Variants in ESRRG observed in about 807,000 individuals in gnomAD.
The protein encoded by ESRRG is estrogen-related receptor gamma.
Under a neutral mutation model 44.0 loss-of-function variants are expected in ESRRG, and 13 were observed. That is an observed-to-expected ratio of 0.30 (90% CI 0.19 to 0.47). ESRRG has a LOEUF of 0.47. Among genes scored for constraint, ESRRG ranks in the 20% least tolerant of loss-of-function variants. The probability of loss-of-function intolerance (pLI) is 1.00; values close to 1 mark genes in which losing one functional copy is unlikely to be tolerated. For synonymous variants in ESRRG, 215 were observed against 214.6 expected, an observed-to-expected ratio of 1.00 and a Z score of -0.02; for missense variants, 395 against 580.6, an observed-to-expected ratio of 0.68 and a Z score of 3.29.
chr1:217,084,575 T>C lies in ESRRG; in HGVS notation c.-106+4932A>G, dbSNP rs2091965443. 2.6e-5 allele frequency among the ~76,000 whole-genome samples: 4 copies of C among 152,192 alleles called. No homozygotes were observed. In the South Asian group the frequency reaches 8.3e-4, roughly 32 times the overall value. On this transcript the variant is annotated intron_variant, in intron 1 of 7. Coordinates refer to the ESRRG transcript ENST00000359162. ...TAGGAATGCAAAAGTTTTGCTATAC[T>C]TCACATAATGTTGGCAACCTGAATT...
At chr1:216,876,198 T>A in intron 2 of ESRRG, among the ~76,000 whole-genome samples, 1 of 107,688 alleles carries the variant, frequency 9.3e-6, no homozygotes, top group South Asian at 2.3e-4. Flanking sequence ...TATTTTCTGA[T>A]AAGATTTTTT....
chr1:217,030,078 T>C (rs1258389016), intron 1 of ESRRG, among the ~76,000 whole-genome samples: 1 of 152,148 alleles, frequency 6.6e-6, no homozygotes, highest in East Asian at 1.9e-4. Flanking sequence ...ATGCTGACCA[T>C]GTCAAAGAAA....
At chr1:216,804,784 T>G (rs2094735337) in intron 2 of ESRRG, among the ~76,000 whole-genome samples, 1 of 152,014 alleles carries the variant, frequency 6.6e-6, no homozygotes, top group Non-Finnish European at 1.5e-5. Context: ...ATACCCCCCT[T>G]CCCCAACCGA....
chr1:216,757,005 CTTCTAAACTCA>C, intron 2 of ESRRG, among the ~76,000 whole-genome samples: 2 of 152,070 alleles, frequency 1.3e-5, no homozygotes, highest in Middle Eastern at 3.4e-3. Flanking sequence ...TATACAAGTC[CTTCTAAACTCA>C]TTCCCTCTCC....
intron 2 of ESRRG, among the ~76,000 whole-genome samples, chr1:216,870,204 A>G (rs1331570145): frequency 6.6e-6 from 1 of 150,958 alleles, no homozygotes; most frequent in Non-Finnish European, 1.5e-5. Context: ...AGATGTTAAA[A>G]TTTGGCAAAC....
chr1:216,843,533 T>C (rs11117695), intron 2 of ESRRG, among the ~76,000 whole-genome samples: 5,102 of 152,182 alleles, frequency 0.034, 299 homozygotes, highest in African/African-American at 0.11. Flanking sequence ...AAAAAGAGCT[T>C]CTGGTTCAAC....
chr1:216,836,732 C>A (rs1293460722), intron 2 of ESRRG, among the ~76,000 whole-genome samples: 2 of 152,302 alleles, frequency 1.3e-5, no homozygotes, highest in East Asian at 3.9e-4. Context: ...GCAGAGTGAG[C>A]CCAGCATGCA....
rs11572736 is a variant in ESRRG, at chr1:216,609,001, C to T, written c.590-40903G>A. Among the ~76,000 whole-genome samples the T allele has an allele frequency of 8.3e-3, 1,265 of 152,310 alleles. 18 individuals carry two copies. Among genetic ancestry groups the T allele is most frequent in the African/African-American group, 0.026 (1,075 of 41,560 alleles). ...TACCTATGAGCATCTTTCTTGGCTA[C>T]AGGCTTTGAATTTTCTTTCACCTTC... On this transcript the variant is annotated intron_variant, in intron 3 of 6. Transcript: ENST00000408911.
At chr1:216,976,605 G>A (rs1392565916) in intron 1 of ESRRG, among the ~76,000 whole-genome samples, 1 of 152,062 alleles carries the variant, frequency 6.6e-6, no homozygotes, top group African/African-American at 2.4e-5. Context: ...TTAATTAGGG[G>A]CTCATTGAAC....
chr1:216,697,111 G>A lies in ESRRG; in HGVS notation c.57-19620C>T, dbSNP rs562332586. On this transcript the variant is annotated intron_variant, in intron 1 of 6. Coordinates refer to ENST00000408911, the MANE Select transcript of ESRRG (RefSeq NM_001438.4). ...CTCCCAACTAGCTGGGACTACAGGC[G>A]TGCACCACCATGCCTGGCTAATTTT... Among the ~76,000 whole-genome samples the A allele has an allele frequency of 2.0e-4, 30 of 151,954 alleles. No homozygotes were observed. The East Asian group carries it at 2.7e-3, about 14-fold the overall frequency.
intron 1 of ESRRG, among the ~76,000 whole-genome samples, chr1:217,074,636 G>C (rs538687261): frequency 6.6e-6 from 1 of 152,024 alleles, no homozygotes; most frequent in Non-Finnish European, 1.5e-5. Flanking sequence ...CTAGGAACTC[G>C]AGAACAACCT....
intron 1 of ESRRG, among the ~76,000 whole-genome samples, chr1:217,121,633 A>G (rs1211714640): frequency 6.6e-6 from 1 of 152,164 alleles, no homozygotes; most frequent in East Asian, 1.9e-4. Flanking sequence ...GTCAAAGCAC[A>G]CCACCCTGTT....
chr1:217,103,902 G>A (rs1447327595), intron 1 of ESRRG, among the ~76,000 whole-genome samples: 1 of 152,090 alleles, frequency 6.6e-6, no homozygotes, highest in African/African-American at 2.4e-5. Context: ...TCCAAGGTGA[G>A]ACAGCGTGGG....
intron 5 of ESRRG, among the ~76,000 whole-genome samples, chr1:216,547,253 T>TTGTTGA (rs140514176): frequency 2.0e-5 from 3 of 150,750 alleles, no homozygotes; most frequent in Non-Finnish European, 4.4e-5. Flanking sequence ...GTTGATGTTG[T>TTGTTGA]TGATGATGAT....
At chr1:216,816,589 T>C (rs1468955387) in intron 2 of ESRRG, among the ~76,000 whole-genome samples, 1 of 152,176 alleles carries the variant, frequency 6.6e-6, no homozygotes, top group African/African-American at 2.4e-5. Flanking sequence ...ATATCTGGAA[T>C]AGAGTTGCAA....
At chr1:216,660,625 T>C (rs2072060089) in intron 2 of ESRRG, among the ~76,000 whole-genome samples, 1 of 152,224 alleles carries the variant, frequency 6.6e-6, no homozygotes, top group Admixed American at 6.5e-5. Context: ...GAGCACTTTG[T>C]GTAGCTGTTG....
chr1:216,580,173 A>G (rs1228222408), intron 3 of ESRRG, among the ~76,000 whole-genome samples: 1 of 152,224 alleles, frequency 6.6e-6, no homozygotes, highest in East Asian at 1.9e-4. Context: ...AATACTGAGT[A>G]AGTGAATAAA....
intron 1 of ESRRG, among the ~76,000 whole-genome samples, chr1:216,997,846 A>G (rs559738480): frequency 1.3e-5 from 2 of 152,210 alleles, no homozygotes; most frequent in Non-Finnish European, 2.9e-5. Context: ...AAATTATTAC[A>G]TTACCATTTT....
chr1:216,804,545 T>C (rs1321475461), intron 2 of ESRRG, among the ~76,000 whole-genome samples: 2 of 152,176 alleles, frequency 1.3e-5, no homozygotes, highest in African/African-American at 4.8e-5. Flanking sequence ...ATTAGCACTC[T>C]TAAATCACAA....
Sources: gnomAD v4.1 joint callset for allele counts (sites outside exome capture counted in the v4.1 genomes callset) on GRCh38, gnomAD v4.1.1 for gene constraint, MANE v1.5 for transcripts, NCBI Gene and HGNC (gene_info 2026-07-23, HGNC 2026-07-21) for gene names.